The following CALD1 variants were observed in gnomAD, a reference collection of about 807,000 sequenced individuals.
CALD1 encodes caldesmon 1.
A neutral mutation model predicts 99.9 loss-of-function variants in CALD1; 33 were observed. The observed-to-expected ratio is 0.33, with a 90% CI of 0.25 to 0.44. The LOEUF is 0.44. CALD1 is among the 20% of genes least tolerant of loss of function. The pLI, the probability that CALD1 is intolerant of heterozygous loss-of-function variation, is 1.00. For missense variants in CALD1, 861 were observed against 962.1 expected (o/e 0.89, Z 1.39); for synonymous variants, 310 against 325.0 (o/e 0.95, Z 0.50).
At position 134,931,561 on chromosome 7, in the gene CALD1, C is replaced by T. The variant is rs1287526172; in HGVS notation, c.219-1427C>T. ...TTTTCCAAAATTAAGTGAATTTGAACGTTGAAAGGGCCAAGTTTGGTCTGA... is the reference window on the plus strand; with the variant it reads ...TTTTCCAAAATTAAGTGAATTTGAATGTTGAAAGGGCCAAGTTTGGTCTGA... On this transcript the variant is annotated intron_variant, in intron 4 of 14. Transcript: ENST00000361675. 4.6e-5 allele frequency among the ~76,000 whole-genome samples: 7 copies of T among 152,234 alleles called. No homozygotes were observed. In the East Asian group the frequency reaches 1.2e-3, roughly 25 times the overall value.
chr7:134,901,949 C>T (rs1408419424), intron 3 of CALD1, among the ~76,000 whole-genome samples: 1 of 152,028 alleles, frequency 6.6e-6, no homozygotes, highest in Non-Finnish European at 1.5e-5. Flanking sequence ...TCCTGAGGTA[C>T]TGGGGGTTAA....
chr7:134,853,995 G>C lies in CALD1; in HGVS notation c.-42+10024G>C, dbSNP rs202122741. ...TTCTGTTCTTGTGTTAGTTTGCTGA[G>C]AATGATGGTTTCCAGCTTCATCAAT... On this transcript the variant is annotated intron_variant, in intron 2 of 14. Transcript: ENST00000361675. 7.9e-5 allele frequency among the ~76,000 whole-genome samples: 12 copies of C among 152,138 alleles called. No homozygotes were observed. In the East Asian group the frequency reaches 2.3e-3, roughly 29 times the overall value.
chr7:134,885,630 T>G (rs369410061), intron 3 of CALD1, among the ~76,000 whole-genome samples: 47 of 152,370 alleles, frequency 3.1e-4, no homozygotes, highest in African/African-American at 1.0e-3. Context: ...TTCTGTGGCT[T>G]AGGAACTAAT....
intron 3 of CALD1, among the ~76,000 whole-genome samples, chr7:134,928,428 CAAAAAAAA>C (rs11355152): frequency 9.2e-4 from 51 of 55,666 alleles, no homozygotes; most frequent in South Asian, 1.9e-3. Flanking sequence ...GACTGGGTCT[CAAAAAAAA>C]AAAAAAAAAA....
intron 1 of CALD1, among the ~76,000 whole-genome samples, chr7:134,815,894 A>G (rs1406635614): frequency 6.6e-6 from 1 of 152,230 alleles, no homozygotes; most frequent in African/African-American, 2.4e-5. Context: ...TTTAAAAACT[A>G]TCCTCGAACT....
chr7:134,745,614 TAAC>T (rs1290264715), intron 1 of CALD1: 2 of 152,228 alleles, frequency 1.3e-5, no homozygotes, highest in Non-Finnish European at 2.9e-5. Context: ...GAGGTGAATT[TAAC>T]TTAAATTCCA....
intron 3 of CALD1, among the ~76,000 whole-genome samples, chr7:134,876,209 C>T (rs928396146): frequency 2.0e-5 from 3 of 152,142 alleles, no homozygotes; most frequent in Admixed American, 2.0e-4. Context: ...TCCTGGGGGC[C>T]GATGCCTTCT....
chr7:134,738,767 T>C, the CALD1 span, among the ~76,000 whole-genome samples: 1 of 152,220 alleles, frequency 6.6e-6, no homozygotes, highest in South Asian at 2.1e-4. Context: ...ACTTGTGTCA[T>C]TGCACATTTG....
intron 2 of CALD1, among the ~76,000 whole-genome samples, chr7:134,847,026 C>T (rs373434699): frequency 3.3e-5 from 5 of 152,168 alleles, no homozygotes; most frequent in African/African-American, 1.2e-4. Context: ...AGGTGCCTCC[C>T]GACTGTGTTT....
intron 3 of CALD1, among the ~76,000 whole-genome samples, chr7:134,897,565 A>T (rs1802667326): frequency 6.6e-6 from 1 of 152,158 alleles, no homozygotes; most frequent in African/African-American, 2.4e-5. Context: ...AAACCACTGA[A>T]CATATCACAT....
intron 3 of CALD1, among the ~76,000 whole-genome samples, chr7:134,887,276 G>GC (rs1165678106): frequency 6.6e-6 from 1 of 152,172 alleles, no homozygotes. Flanking sequence ...GATGGGAGAT[G>GC]CCGTCGTCTA....
intron 3 of CALD1, among the ~76,000 whole-genome samples, chr7:134,874,922 A>G (rs2132380685): frequency 6.6e-6 from 1 of 152,372 alleles, no homozygotes; most frequent in African/African-American, 2.4e-5. Context: ...ATGAATGATT[A>G]TACAACACAC....
At chr7:134,829,306 C>T (rs1052261956) in intron 1 of CALD1, among the ~76,000 whole-genome samples, 1 of 152,176 alleles carries the variant, frequency 6.6e-6, no homozygotes, top group Non-Finnish European at 1.5e-5. Context: ...TCTAATGCAA[C>T]AAATTTTAAT....
the CALD1 span, among the ~76,000 whole-genome samples, chr7:134,731,600 C>T: frequency 6.6e-6 from 1 of 152,128 alleles, no homozygotes; most frequent in East Asian, 1.9e-4. Flanking sequence ...CCCTCTTTGG[C>T]TTCCCTGATA....
At chr7:134,931,729 G>A (rs1805534765) in intron 4 of CALD1, among the ~76,000 whole-genome samples, 1 of 152,196 alleles carries the variant, frequency 6.6e-6, no homozygotes, top group Non-Finnish European at 1.5e-5. Flanking sequence ...TCCTGCAGTA[G>A]TGAGGGAGGT....
the CALD1 span, among the ~76,000 whole-genome samples, chr7:134,713,170 T>C: frequency 6.6e-6 from 1 of 152,224 alleles, no homozygotes; most frequent in African/African-American, 2.4e-5. Context: ...TCTCTCTCAC[T>C]TTTCATTCCT....
upstream of CALD1, among the ~76,000 whole-genome samples, chr7:134,775,099 T>G (rs1796906946): frequency 6.6e-6 from 1 of 152,234 alleles, no homozygotes; most frequent in Non-Finnish European, 1.5e-5. Flanking sequence ...TTTATTATAG[T>G]GTGTAGTAGA....
chr7:134,935,272 GAAA>G (rs1194933105), intron 5 of CALD1, among the ~76,000 whole-genome samples: 1 of 151,908 alleles, frequency 6.6e-6, no homozygotes, highest in Non-Finnish European at 1.5e-5. Flanking sequence ...CCTAAAAAAA[GAAA>G]AAAAGAGATG....
rs2133317046 is a variant in CALD1 at position 134,969,760 on chromosome 7, A to G, written c.*1415A>G. ...TTAACTCATGATTTTTACACACACA[A>G]TCCAGAACTTATTATATAGCCTCTA... On this transcript the variant is annotated 3_prime_UTR_variant, in exon 15 of 15. Coordinates refer to ENST00000361675, the MANE Select transcript of CALD1 (RefSeq NM_033138.4). 1 of 152,480 alleles carries G rather than the reference A, an allele frequency of 6.6e-6. No individual in the cohort carries two copies. The highest frequency in any genetic ancestry group is 2.4e-5 in the African/African-American group (1 of 41,590). The allele number at this position is 152,480 out of a possible 1,614,324, so 9.4% of individuals were successfully genotyped here.
Sources: gnomAD v4.1 joint callset for allele counts (sites outside exome capture counted in the v4.1 genomes callset) on GRCh38, gnomAD v4.1.1 for gene constraint, MANE v1.5 for transcripts, NCBI Gene and HGNC (gene_info 2026-07-23, HGNC 2026-07-21) for gene names.